The following DLG2 variants were observed in gnomAD, a reference collection of about 807,000 sequenced individuals.
DLG2 encodes the protein discs large MAGUK scaffold protein 2.
DLG2 carries 45 observed loss-of-function variants against 132.5 expected under a neutral mutation model. The ratio of observed to expected loss-of-function variants is 0.34; its 90% confidence interval spans 0.27 to 0.44. The LOEUF (loss-of-function observed/expected upper bound fraction) is 0.44. Among genes scored for constraint, DLG2 ranks in the 20% least tolerant of loss-of-function variants. The pLI, the probability that DLG2 is intolerant of heterozygous loss-of-function variation, is 1.00. For synonymous variants in DLG2, 424 were observed against 419.6 expected (o/e 1.01, Z -0.13); for missense variants, 1,045 against 1,196.9 (o/e 0.87, Z 1.87).
At chr11:85,443,665 A>G (rs2091886767) in intron 3 of DLG2, among the ~76,000 whole-genome samples, 3 of 152,236 alleles carry the variant, frequency 2.0e-5, no homozygotes, top group African/African-American at 7.2e-5. Flanking sequence ...GATGACATAA[A>G]CCATATTTAA....
chr11:85,070,085 T>A (rs917440638), intron 6 of DLG2, among the ~76,000 whole-genome samples: 4 of 151,654 alleles, frequency 2.6e-5, no homozygotes, highest in Non-Finnish European at 2.9e-5. Context: ...TTCTCACTCA[T>A]AGGTGGGAAT....
chr11:84,547,238 T>A (rs994644773), intron 6 of DLG2, among the ~76,000 whole-genome samples: 1 of 152,114 alleles, frequency 6.6e-6, no homozygotes, highest in African/African-American at 2.4e-5. Context: ...TTATAAAAAA[T>A]TGGAAGAATA....
chr11:84,427,338 A>C (rs2154471455), intron 7 of DLG2, among the ~76,000 whole-genome samples: 1 of 152,266 alleles, frequency 6.6e-6, no homozygotes, highest in South Asian at 2.1e-4. Flanking sequence ...TGAATCATAA[A>C]CCCATGAAAA....
intron 3 of DLG2, among the ~76,000 whole-genome samples, chr11:85,310,574 C>T (rs1470950321): frequency 6.6e-6 from 1 of 152,132 alleles, no homozygotes; most frequent in Admixed American, 6.6e-5. Flanking sequence ...GTGGTAGCAA[C>T]TGCTAAGGGG....
chr11:83,948,565 A>C (rs1359469485), intron 14 of DLG2, among the ~76,000 whole-genome samples: 2 of 151,974 alleles, frequency 1.3e-5, no homozygotes. Context: ...TGAAACAGAG[A>C]GAAAATTCTA....
intron 6 of DLG2, among the ~76,000 whole-genome samples, chr11:85,015,704 C>T (rs2059517001): frequency 6.6e-6 from 1 of 152,138 alleles, no homozygotes; most frequent in Non-Finnish European, 1.5e-5. Flanking sequence ...GCTCATCATA[C>T]CGTGCCTGTT....
At chr11:83,872,920 G>C (rs1451998068) in intron 16 of DLG2, among the ~76,000 whole-genome samples, 1 of 152,136 alleles carries the variant, frequency 6.6e-6, no homozygotes, top group Non-Finnish European at 1.5e-5. Flanking sequence ...CAGCTACATA[G>C]TATGCACATG....
intron 6 of DLG2, among the ~76,000 whole-genome samples, chr11:84,741,774 T>A (rs2064716039): frequency 1.3e-5 from 2 of 152,090 alleles, no homozygotes; most frequent in Admixed American, 6.5e-5. Flanking sequence ...AAACATGGTA[T>A]CTCTAAAGGA....
intron 11 of DLG2, among the ~76,000 whole-genome samples, chr11:83,987,718 A>T (rs1709531795): frequency 6.6e-6 from 1 of 152,218 alleles, no homozygotes; most frequent in South Asian, 2.1e-4. Context: ...AAAGACTTAA[A>T]CGTTAGACCT....
intron 3 of DLG2, among the ~76,000 whole-genome samples, chr11:85,344,284 T>C (rs1363822376): frequency 6.6e-6 from 1 of 152,132 alleles, no homozygotes; most frequent in Admixed American, 6.6e-5. Flanking sequence ...AGTTCTTAGC[T>C]CCTGAGCTTC....
At chr11:85,430,025 G>A (rs1002062097) in intron 3 of DLG2, among the ~76,000 whole-genome samples, 5 of 152,196 alleles carry the variant, frequency 3.3e-5, no homozygotes, top group African/African-American at 1.2e-4. Flanking sequence ...ATACTATGCA[G>A]CCATAAAAAA....
Position 83,966,787 on chromosome 11 carries a change from A to G in DLG2, c.1057-1319T>C, listed in dbSNP as rs181438047. Among the ~76,000 whole-genome samples, 24 of 152,116 alleles carry G rather than the reference A, an allele frequency of 1.6e-4. 1 individual carries two copies. In the East Asian group the frequency reaches 4.6e-3, roughly 29 times the overall value. Reference sequence around the variant, plus strand: ...ATCTACTTATTTCGCAAAATTCCTAATATAATACAATTTTATTAACTATAG... The same window carrying G: ...ATCTACTTATTTCGCAAAATTCCTAGTATAATACAATTTTATTAACTATAG... On this transcript the variant is annotated intron_variant, in intron 12 of 27. Coordinates refer to ENST00000376104, the MANE Select transcript of DLG2 (RefSeq NM_001142699.3).
chr11:84,519,890 A>T (rs1410706812), intron 7 of DLG2, among the ~76,000 whole-genome samples: 1 of 152,180 alleles, frequency 6.6e-6, no homozygotes, highest in African/African-American at 2.4e-5. Context: ...TCATTTCTGA[A>T]GTTTTATGCA....
intron 11 of DLG2, among the ~76,000 whole-genome samples, chr11:84,043,503 A>G (rs2154110237): frequency 1.3e-5 from 2 of 151,774 alleles, no homozygotes; most frequent in South Asian, 4.2e-4. Flanking sequence ...CTGGTACTCA[A>G]CAGTTATCTT....
chr11:85,409,321 T>G (rs1268192103), intron 3 of DLG2, among the ~76,000 whole-genome samples: 1 of 151,900 alleles, frequency 6.6e-6, no homozygotes, highest in Non-Finnish European at 1.5e-5. Context: ...GAACATGGAC[T>G]CTGTATCCAC....
intron 7 of DLG2, among the ~76,000 whole-genome samples, chr11:84,406,975 A>G (rs1313044433): frequency 6.6e-6 from 1 of 152,172 alleles, no homozygotes; most frequent in Non-Finnish European, 1.5e-5. Context: ...ATTGCTTCCT[A>G]AAAGCTGTGA....
intron 7 of DLG2, among the ~76,000 whole-genome samples, chr11:84,515,906 A>G (rs2154515261): frequency 6.6e-6 from 1 of 152,038 alleles, no homozygotes; most frequent in African/African-American, 2.4e-5. Flanking sequence ...CAACAATGGA[A>G]TGAAACTAGA....
chr11:85,021,253 G>T, intron 6 of DLG2: 2 of 1,285,632 alleles, frequency 1.6e-6, no homozygotes, highest in Non-Finnish European at 2.3e-6. Context: ...AATAGGAGGA[G>T]GAGGAGGAGG....
intron 11 of DLG2, among the ~76,000 whole-genome samples, chr11:84,014,214 T>C (rs1251520766): frequency 6.6e-6 from 1 of 152,174 alleles, no homozygotes; most frequent in Non-Finnish European, 1.5e-5. Context: ...ATACTCATCT[T>C]AATGTTTCTA....
Sources: gnomAD v4.1 joint callset for allele counts (sites outside exome capture counted in the v4.1 genomes callset) on GRCh38, gnomAD v4.1.1 for gene constraint, MANE v1.5 for transcripts, NCBI Gene and HGNC (gene_info 2026-07-23, HGNC 2026-07-21) for gene names.